Variants in CSK observed in about 807,000 individuals in gnomAD.
The protein encoded by CSK is tyrosine-protein kinase CSK.
Under a neutral mutation model 62.3 loss-of-function variants are expected in CSK, and 7 were observed. The ratio of observed to expected loss-of-function variants is 0.11; its 90% confidence interval spans 0.06 to 0.21. The LOEUF is 0.21. CSK is among the 10% of genes least tolerant of loss of function. CSK has a pLI of 1.00. For missense variants in CSK, 294 were observed against 613.5 expected (o/e 0.48, Z 5.50); for synonymous variants, 237 against 246.0 (o/e 0.96, Z 0.34).
At position 74,798,748 on chromosome 15, in the gene CSK, C is replaced by G; in HGVS notation, c.129+20C>G. 1 of 1,609,760 alleles carries G rather than the reference C, an allele frequency of 6.2e-7. No homozygotes were observed. On this transcript the variant is annotated intron_variant, in intron 3 of 12. Transcript: ENST00000220003. This position sits in a 1 kb window ranked among gnomAD's most constrained non-coding sequence, Gnocchi z 6.6. ...ACCAAGGTAATCAGGTGACGCCCAC[C>G]CCACCATCCCACTGCTGGGCCTTCC... is the stretch of plus-strand genomic sequence containing the variant.
At chr15:74,786,002 C>CTCTTTTTTTTTTT (rs397829139) in intron 1 of CSK, among the ~76,000 whole-genome samples, 1 of 73,620 alleles carries the variant, frequency 1.4e-5, no homozygotes, top group African/African-American at 6.3e-5. Flanking sequence ...CTCTCTCTCT[C>CTCTTTTTTTTTTT]TTTTTTTTTT....
At chr15:74,792,411 A>G (rs2063636367) in intron 1 of CSK, among the ~76,000 whole-genome samples, 1 of 152,242 alleles carries the variant, frequency 6.6e-6, no homozygotes, top group Non-Finnish European at 1.5e-5. Context: ...CTAAGGTACC[A>G]GAAGCCAACA....
chr15:74,783,254 C>T (rs2063464905), intron 1 of CSK, among the ~76,000 whole-genome samples: 1 of 152,222 alleles, frequency 6.6e-6, no homozygotes, highest in African/African-American at 2.4e-5. Context: ...AAGACCAGGC[C>T]TAAGCCAAGG....
chr15:74,784,800 G>A (rs932976957), intron 1 of CSK, among the ~76,000 whole-genome samples: 1 of 152,194 alleles, frequency 6.6e-6, no homozygotes, highest in Non-Finnish European at 1.5e-5. Context: ...GTGCGGTTCT[G>A]GGCTCCATCT....
At chr15:74,787,070 C>T (rs1029851322) in intron 1 of CSK, among the ~76,000 whole-genome samples, 3 of 152,178 alleles carry the variant, frequency 2.0e-5, no homozygotes, top group Non-Finnish European at 2.9e-5. Flanking sequence ...TCTCAGTTTC[C>T]CCCGCCCTTG....
intron 1 of CSK, among the ~76,000 whole-genome samples, chr15:74,786,727 G>A (rs2063527388): frequency 6.6e-6 from 1 of 152,120 alleles, no homozygotes; most frequent in African/African-American, 2.4e-5. Flanking sequence ...GCCACCCCGT[G>A]GGCAGTAGCA....
At chr15:74,791,026 A>T (rs190450316) in intron 1 of CSK, 8 of 152,308 alleles carry the variant, frequency 5.3e-5, no homozygotes, top group South Asian at 2.1e-4. Flanking sequence ...AATAATAATA[A>T]TTTTTTTAAA....
Position 74,802,675 on chromosome 15 carries a change from G to A in CSK, c.*162G>A. ...GCACCCCTCCGGCCCCGTCTCTCTT[G>A]GACCCACCTGTGGGGCCTGGGGAGC... On this transcript the variant is annotated 3_prime_UTR_variant, in exon 13 of 13. Transcript: ENST00000220003. 1.1e-6 allele frequency: 1 copy of A among 870,230 alleles called. No individual in the cohort carries two copies. 53.9% of individuals were successfully genotyped at this position (870,230 alleles called of 1,614,324 possible).
At chr15:74,800,637 A>ATG (rs1277419144) in intron 6 of CSK, 44 bp from the exon 7 acceptor site, 2 of 1,537,860 alleles carry the variant, frequency 1.3e-6, no homozygotes, top group Admixed American at 2.0e-5. Context: ...CATCCCAGCC[A>ATG]TGTCCCTAGT....
At chr15:74,790,320 G>C (rs1340966364) in intron 1 of CSK, among the ~76,000 whole-genome samples, 2 of 152,220 alleles carry the variant, frequency 1.3e-5, no homozygotes, top group Non-Finnish European at 2.9e-5. Flanking sequence ...GGAGCCCCTT[G>C]ACCTCCCCTG....
intron 5 of CSK, among the ~76,000 whole-genome samples, chr15:74,799,775 A>T (rs527435134): frequency 3.3e-5 from 5 of 152,296 alleles, no homozygotes; most frequent in African/African-American, 9.6e-5. Flanking sequence ...GGTCCCACAG[A>T]TATAATTTGG....
At chr15:74,799,118 G>A (rs1332175430) in intron 4 of CSK, 154 bp from the exon 5 acceptor site, 3 of 976,200 alleles carry the variant, frequency 3.1e-6, no homozygotes, top group Non-Finnish European at 4.5e-6. Context: ...CAGGAGGGTG[G>A]CAAAGAAGGG....
At chr15:74,790,740 C>T (rs1398120672) in intron 1 of CSK, 1 of 152,258 alleles carries the variant, frequency 6.6e-6, no homozygotes, top group Non-Finnish European at 1.5e-5. Flanking sequence ...TTCATTCATT[C>T]AGCACTCATT....
chr15:74,802,643 C>G lies in CSK; in HGVS notation c.*130C>G. The stretch of plus-strand genomic sequence containing the variant: ...GGCTGGCGGGCCTTTTTCCTGCGTC[C>G]CAGCCTGCACCCCTCCGGCCCCGTC... On this transcript the variant is annotated 3_prime_UTR_variant, in exon 13 of 13. Transcript: ENST00000220003. The G allele has an allele frequency of 1.8e-6, 2 of 1,123,612 alleles. No individual in the cohort carries two copies. The highest frequency in any genetic ancestry group is 2.5e-6 in the Non-Finnish European group (2 of 802,884). The allele number at this position is 1,123,612 out of a possible 1,614,324, so 69.6% of individuals were successfully genotyped here. A position where few individuals can be genotyped will look rare whatever the true frequency, so the allele number is the denominator to read the frequency against.
intron 9 of CSK, 53 bp downstream of exon 9, chr15:74,801,155 C>G: frequency 1.3e-6 from 2 of 1,597,832 alleles, no homozygotes; most frequent in Non-Finnish European, 1.7e-6. Context: ...CCCGAAACCC[C>G]CACTGTGCTC....
At chr15:74,786,949 G>A (rs895693223) in intron 1 of CSK, among the ~76,000 whole-genome samples, 1 of 152,238 alleles carries the variant, frequency 6.6e-6, no homozygotes, top group African/African-American at 2.4e-5. Flanking sequence ...AGGGAAGTGG[G>A]CATGACAACT....
Position 74,799,606 on chromosome 15 carries a change from C to A in CSK, c.462+115C>A, listed in dbSNP as rs2063758168. 5.4e-6 allele frequency: 6 copies of A among 1,103,162 alleles called. No homozygotes were observed. The South Asian group carries it at 6.1e-5, about 11-fold the overall frequency. 68.3% of individuals were successfully genotyped at this position (1,103,162 alleles called of 1,614,324 possible). A position where few individuals can be genotyped will look rare whatever the true frequency, so the allele number is the denominator to read the frequency against. On this transcript the variant is annotated intron_variant, in intron 5 of 12. Transcript: ENST00000220003. Reference sequence around the variant, plus strand: ...CTGCGTGGTGACCAGCCATGTGGGGCAACTTCTGTGAGCCCTTGTTTCCTC... The same window carrying A: ...CTGCGTGGTGACCAGCCATGTGGGGAAACTTCTGTGAGCCCTTGTTTCCTC...
intron 1 of CSK, among the ~76,000 whole-genome samples, chr15:74,797,612 T>C (rs1477585372): frequency 1.3e-5 from 2 of 152,222 alleles, no homozygotes. Flanking sequence ...TTTACTGCTG[T>C]ACGTAGTCCC....
At chr15:74,789,596 T>C (rs775044657) in intron 1 of CSK, among the ~76,000 whole-genome samples, 1 of 152,216 alleles carries the variant, frequency 6.6e-6, no homozygotes, top group Non-Finnish European at 1.5e-5. Context: ...TCTGCCTGTA[T>C]CTGTACTATG....
Sources: gnomAD v4.1 joint callset for allele counts (sites outside exome capture counted in the v4.1 genomes callset) on GRCh38, gnomAD v4.1.1 for gene constraint, Gnocchi (gnomAD v3.1) non-coding constraint, MANE v1.5 for transcripts, NCBI Gene and HGNC (gene_info 2026-07-23, HGNC 2026-07-21) for gene names.